Variants in VIRMA observed in about 807,000 individuals in gnomAD.
VIRMA encodes the protein protein virilizer homolog.
Under a neutral mutation model 182.4 loss-of-function variants are expected in VIRMA, and 65 were observed. That is an observed-to-expected ratio of 0.36 (90% CI 0.29 to 0.44). VIRMA has a LOEUF of 0.44. Ranked by LOEUF, VIRMA falls within the 20% of genes least tolerant of loss-of-function variation. The pLI is 1.00. For missense variants in VIRMA, 1,752 were observed against 2,158.1 expected, an observed-to-expected ratio of 0.81 and a Z score of 3.73; for synonymous variants, 709 against 743.1, an observed-to-expected ratio of 0.95 and a Z score of 0.75.
chr8:94,520,529 G>A (rs1814724920), intron 8 of VIRMA, among the ~76,000 whole-genome samples: 2 of 151,970 alleles, frequency 1.3e-5, no homozygotes, highest in South Asian at 4.2e-4. Flanking sequence ...GAATGTATCT[G>A]TACTGACCAT....
At chr8:94,542,705 G>A (rs1445305455) in intron 2 of VIRMA, among the ~76,000 whole-genome samples, 6 of 151,684 alleles carry the variant, frequency 4.0e-5, no homozygotes, top group African/African-American at 1.5e-4. Flanking sequence ...TCTTAAACAT[G>A]GAAAAAAAGA....
In VIRMA at chr8:94,529,277, G is replaced by T. The variant is rs1168514993; in HGVS notation, c.673C>A (p.Arg225=). 1.2e-6 allele frequency: 2 copies of T among 1,612,486 alleles called. No individual in the cohort carries two copies. The highest frequency in any genetic ancestry group is 1.3e-5 in the African/African-American group (1 of 74,816). Reference sequence around the variant, plus strand: ...TGCCCTTCCTGGGGAACAGAATTCCGATCAGGAGAAATGGGCTCAAAGTAA... The same window carrying T: ...TGCCCTTCCTGGGGAACAGAATTCCTATCAGGAGAAATGGGCTCAAAGTAA... ...EDYFEPISPD[R]NSVPQEGQYS... The change falls in exon 7 of 24, where the codon CGG becomes AGG. Residue 225 remains arginine, a synonymous_variant. Transcript: ENST00000297591.
intron 1 of VIRMA, among the ~76,000 whole-genome samples, chr8:94,548,757 G>A (rs964395403): frequency 4.6e-5 from 7 of 152,124 alleles, no homozygotes; most frequent in Non-Finnish European, 8.8e-5. Context: ...CCAGGTTCAC[G>A]CCATTCTCCT....
chr8:94,495,021 TGA>T (rs2130262463), intron 19 of VIRMA, 65 bp from the exon 20 acceptor site: 2 of 1,109,760 alleles, frequency 1.8e-6, no homozygotes, highest in Admixed American at 3.5e-5. Flanking sequence ...TTTTTTTTTT[TGA>T]GACACAGTCT....
At chr8:94,490,132 G>A in intron 22 of VIRMA, 50 bp from the exon 23 acceptor site, 1 of 1,554,584 alleles carries the variant, frequency 6.4e-7, no homozygotes, top group South Asian at 1.2e-5. Flanking sequence ...ACTTCAGTTG[G>A]ATTCTTTTAA....
chr8:94,551,497 A>G lies in VIRMA; in HGVS notation c.63+1888T>C, dbSNP rs554230118. Among the ~76,000 whole-genome samples the G allele has an allele frequency of 3.3e-5, 5 of 152,020 alleles. No homozygotes were observed. The South Asian group carries it at 1.0e-3, about 32-fold the overall frequency. ...TTTCAATATTTCGTATCACCCACAA[A>G]CCCCTACTTCCTCCTTCAAGACTTG... On this transcript the variant is annotated intron_variant, in intron 1 of 23. Coordinates refer to ENST00000297591, the MANE Select transcript of VIRMA (RefSeq NM_015496.5).
chr8:94,544,047 T>C lies in VIRMA; in HGVS notation c.64-105A>G, dbSNP rs989150927. Reference sequence around the variant, plus strand: ...CACAATGTCACATGTAAACTTAACATTCCATATCATTAAATATCATTAAAT... The same window carrying C: ...CACAATGTCACATGTAAACTTAACACTCCATATCATTAAATATCATTAAAT... On this transcript the variant is annotated intron_variant, in intron 1 of 23. Coordinates refer to ENST00000297591, the MANE Select transcript of VIRMA (RefSeq NM_015496.5). The C allele has an allele frequency of 4.6e-6, 3 of 650,524 alleles. No individual in the cohort carries two copies. The African/African-American group carries it at 5.4e-5, about 12-fold the overall frequency. 40.3% of individuals were successfully genotyped at this position (650,524 alleles called of 1,614,324 possible). A position where few individuals can be genotyped will look rare whatever the true frequency, so the allele number is the denominator to read the frequency against.
intron 16 of VIRMA, among the ~76,000 whole-genome samples, chr8:94,506,171 C>A (rs1353667963): frequency 6.6e-6 from 1 of 152,196 alleles, no homozygotes; most frequent in East Asian, 1.9e-4. Context: ...ATCCCTCTAG[C>A]ATCCATCACT....
chr8:94,494,591 C>CAAAAAAAAAAAAA (rs1175058697), intron 20 of VIRMA, among the ~76,000 whole-genome samples: 1 of 42,926 alleles, frequency 2.3e-5, no homozygotes, highest in Non-Finnish European at 3.9e-5. Context: ...GACTCTGTCT[C>CAAAAAAAAAAAAA]AAAAAAAAAA....
rs1237135833 is a variant in VIRMA, at chr8:94,529,353, G to A, written c.608-11C>T. The A allele has an allele frequency of 6.7e-7, 1 of 1,485,278 alleles. No homozygotes were observed. Among genetic ancestry groups the A allele is most frequent in the African/African-American group, 1.4e-5 (1 of 72,352 alleles). 92.0% of individuals were successfully genotyped at this position (1,485,278 alleles called of 1,614,324 possible). A position where few individuals can be genotyped will look rare whatever the true frequency, so the allele number is the denominator to read the frequency against. On this transcript the variant is annotated splice_polypyrimidine_tract_variant and intron_variant, in intron 6 of 23. Coordinates refer to ENST00000297591, the MANE Select transcript of VIRMA (RefSeq NM_015496.5). The stretch of plus-strand genomic sequence containing the variant: ...CCTTGTCACCAGACACTGAAAAATT[G>A]AGATTTAAGGCACAGACTATTTTAA...
At position 94,511,676 on chromosome 8, in the gene VIRMA, C is replaced by T. The variant is rs1259800353; in HGVS notation, c.2899G>A (p.Glu967Lys). The part of the protein sequence containing the change: ...NLAVIQLFSA[E>K]GMDTFIRVLQ... ...ACTCGAATAAACGTGTCCATTCCTT[C>T]AGCAGAAAAAAGCTGAATAACGGCA... Residue 967 changes from glutamate (E) to lysine (K), a missense_variant, in exon 13 of 24, where the codon GAA (glutamate) becomes AAA (lysine). Coordinates refer to ENST00000297591, the MANE Select transcript of VIRMA (RefSeq NM_015496.5). The T allele has an allele frequency of 6.2e-7, 1 of 1,613,816 alleles. No homozygotes were observed. Among genetic ancestry groups the T allele is most frequent in the African/African-American group, 1.3e-5 (1 of 74,884 alleles).
At chr8:94,536,686 T>C (rs1014623094) in intron 4 of VIRMA, among the ~76,000 whole-genome samples, 2 of 152,142 alleles carry the variant, frequency 1.3e-5, no homozygotes, top group African/African-American at 4.8e-5. Context: ...TCAGATAAGA[T>C]ATGACACTCT....
intron 6 of VIRMA, among the ~76,000 whole-genome samples, chr8:94,530,568 G>C (rs932104024): frequency 6.6e-6 from 1 of 151,990 alleles, no homozygotes; most frequent in African/African-American, 2.4e-5. Context: ...TGCACAGCAT[G>C]GGGGGAGACT....
chr8:94,529,709 G>A (rs891892349), intron 6 of VIRMA, among the ~76,000 whole-genome samples: 9 of 151,772 alleles, frequency 5.9e-5, no homozygotes, highest in Middle Eastern at 3.4e-3. Context: ...GCATGATCTC[G>A]GCTCACTGCA....
chr8:94,500,117 T>C (rs1813918731), intron 16 of VIRMA, among the ~76,000 whole-genome samples: 1 of 150,330 alleles, frequency 6.7e-6, no homozygotes, highest in Non-Finnish European at 1.5e-5. Context: ...ATAAACCTTT[T>C]GGCCAGGCGC....
Position 94,526,764 on chromosome 8 carries a change from G to C in VIRMA, c.1480C>G (p.His494Asp), listed in dbSNP as rs141375264. 3 of 1,613,896 alleles carry C rather than the reference G, an allele frequency of 1.9e-6. No homozygotes were observed. In the African/African-American group the frequency reaches 4.0e-5, roughly 22 times the overall value. Residue 494 changes from histidine to aspartate, a missense_variant, in exon 8 of 24, where the codon CAC (histidine) becomes GAC (aspartate). Around this residue, in one of 11 missense-constraint regions of VIRMA, gnomAD observed 401 missense variants for 455.1 expected, o/e 0.88. Coordinates refer to ENST00000297591, the MANE Select transcript of VIRMA (RefSeq NM_015496.5). ...TTTAACTTAAGAGAAGATGATACGTGATCAGCAAACAGAAGTTCAAATAAT... is the reference window on the plus strand; with the variant it reads ...TTTAACTTAAGAGAAGATGATACGTCATCAGCAAACAGAAGTTCAAATAAT... Reference protein sequence around the residue: ...SGLFELLFADHVSSSLKLNAF... With the variant: ...SGLFELLFADDVSSSLKLNAF...
chr8:94,513,963 G>A (rs1169973539), intron 11 of VIRMA, among the ~76,000 whole-genome samples: 1 of 152,142 alleles, frequency 6.6e-6, no homozygotes, highest in Non-Finnish European at 1.5e-5. Flanking sequence ...AAAATCTGAA[G>A]CAGATAAACC....
At chr8:94,502,502 G>A (rs1261045222) in intron 16 of VIRMA, among the ~76,000 whole-genome samples, 2 of 151,632 alleles carry the variant, frequency 1.3e-5, no homozygotes, top group Non-Finnish European at 2.9e-5. Context: ...GTTTTATGTA[G>A]ATAAAATGTA....
At chr8:94,538,392 T>G (rs750913234) in intron 2 of VIRMA, 46 bp from the exon 3 acceptor site, 1 of 1,165,394 alleles carries the variant, frequency 8.6e-7, no homozygotes, top group Admixed American at 1.8e-5. Flanking sequence ...TAACAAACAC[T>G]TCCTAAATTA....
Sources: gnomAD v4.1 joint callset for allele counts (sites outside exome capture counted in the v4.1 genomes callset) on GRCh38, gnomAD v4.1.1 for gene constraint, gnomAD v4.1.1 regional missense constraint, MANE v1.5 for transcripts, NCBI Gene and HGNC (gene_info 2026-07-23, HGNC 2026-07-21) for gene names.